The following PLXND1 variants were observed in gnomAD, a reference collection of about 807,000 sequenced individuals.
PLXND1 encodes plexin D1, also known as plexin-D1.
In PLXND1, 54 loss-of-function variants were observed where a neutral mutation model predicts 197.7. The ratio of observed to expected loss-of-function variants is 0.27; its 90% CI spans 0.22 to 0.34. PLXND1 has a LOEUF of 0.34. Among genes scored for constraint, PLXND1 ranks in the 10% least tolerant of loss-of-function variants. The probability of loss-of-function intolerance (pLI) is 1.00; values close to 1 mark genes in which losing one functional copy is unlikely to be tolerated. For synonymous variants in PLXND1, 1,180 were observed against 1,161.2 expected, an observed-to-expected ratio of 1.02 and a Z score of -0.33; for missense variants, 2,127 against 2,699.2, an observed-to-expected ratio of 0.79 and a Z score of 4.70.
Position 129,584,144 on chromosome 3 carries a change from G to A in PLXND1, c.2119C>T (p.Gln707Ter). 1 of 1,563,450 alleles carries A rather than the reference G, an allele frequency of 6.4e-7. No individual in the cohort carries two copies. ...FTIYDCSRTA[Q>*]VYPHTACTSC... is the part of the protein sequence containing the mutation. ...ACTCACGCTGTGTGGGGGTACACTT[G>A]TGCAGTGCGGCTGCAGTCGTAGATG... The change falls in exon 7 of 36, where the codon CAA (glutamine) becomes TAA (stop). Residue 707 changes from glutamine (Q) to a stop codon, truncating the protein, a stop_gained. Transcript: ENST00000324093. LOFTEE classifies it high-confidence loss of function.
At chr3:129,561,045 G>C (rs1290432830) in intron 29 of PLXND1, 4 of 517,452 alleles carry the variant, frequency 7.7e-6, no homozygotes, top group South Asian at 4.6e-5. Context: ...CAGTGACCCG[G>C]GATGGAGGGA....
chr3:129,557,087 G>T lies in PLXND1; in HGVS notation c.5582C>A (p.Ser1861Ter). Residue 1861 changes from serine to a stop codon, truncating the protein, a stop_gained, in exon 34 of 36, where the codon TCG (serine) becomes TAG (stop). Transcript: ENST00000324093. LOFTEE classifies it high-confidence loss of function. This position sits in a 1 kb window ranked among gnomAD's most constrained non-coding sequence, Gnocchi z 4.8. ...QEMNAHLAEESRKYQNEFNTN... is the reference protein window; with the variant it reads ...QEMNAHLAEE ...CCCGCCGCCGAGCCACCGCACCCTCGACTCCTCGGCCAGATGGGCATTCAT... is the reference window on the plus strand; with the variant it reads ...CCCGCCGCCGAGCCACCGCACCCTCTACTCCTCGGCCAGATGGGCATTCAT... 6.2e-7 allele frequency: 1 copy of T among 1,613,438 alleles called. No individual in the cohort carries two copies. The highest frequency in any genetic ancestry group is 1.1e-5 in the South Asian group (1 of 91,022).
At chr3:129,580,463 C>A (rs542768447) in intron 8 of PLXND1, among the ~76,000 whole-genome samples, 1 of 152,212 alleles carries the variant, frequency 6.6e-6, no homozygotes, top group Non-Finnish European at 1.5e-5. Flanking sequence ...CTCGAAGCCA[C>A]TGCCAGGTCT....
chr3:129,562,899 G>A lies in PLXND1; in HGVS notation c.4713C>T (p.Ser1571=), dbSNP rs200204303. Residue 1571 remains serine, a synonymous_variant, in exon 27 of 36, where the codon AGC becomes AGT. Transcript: ENST00000324093. The part of the protein sequence containing the change: ...SFQGCGMDSL[S]VRAMDTDTLT... The stretch of plus-strand genomic sequence containing the variant: ...GCGTGTCGGTGTCCATGGCCCGCAC[G>A]CTCAGCGAGTCCATGCCACAGCCCT... 6.5e-5 allele frequency: 104 copies of A among 1,609,488 alleles called. No individual in the cohort carries two copies. Among genetic ancestry groups the A allele is most frequent in the South Asian group, 2.0e-4 (18 of 91,020 alleles).
intron 29 of PLXND1, 60 bp downstream of exon 29, chr3:129,561,586 G>C: frequency 1.6e-6 from 2 of 1,283,266 alleles, no homozygotes; most frequent in Non-Finnish European, 2.2e-6. Context: ...ACTGGGGCAT[G>C]GGATGGAAGC....
intron 1 of PLXND1, among the ~76,000 whole-genome samples, chr3:129,599,792 A>G (rs1202933694): frequency 6.6e-6 from 1 of 152,104 alleles, no homozygotes; most frequent in South Asian, 2.1e-4. Flanking sequence ...CAGAGGGGGA[A>G]CTGCAGAATT....
chr3:129,575,379 G>C (rs2085296916), intron 11 of PLXND1, 90 bp downstream of exon 11: 3 of 782,922 alleles, frequency 3.8e-6, no homozygotes, highest in Non-Finnish European at 6.6e-6. Context: ...CTGCGGCTTT[G>C]GGGCAACCAC....
chr3:129,575,135 C>T (rs1447472965), intron 11 of PLXND1, among the ~76,000 whole-genome samples: 3 of 152,162 alleles, frequency 2.0e-5, no homozygotes, highest in Non-Finnish European at 2.9e-5. Context: ...ACAGCTGCCA[C>T]GCGAGGGGAG....
intron 7 of PLXND1, 137 bp from the exon 8 acceptor site, chr3:129,583,806 G>A: frequency 1.6e-6 from 1 of 639,108 alleles, no homozygotes; most frequent in South Asian, 1.9e-5. Flanking sequence ...GGGAAAGATT[G>A]GGTCTTTAAG....
In PLXND1 at chr3:129,561,913, A is replaced by G. The variant is rs746017104; in HGVS notation, c.4826-10T>C. The G allele has an allele frequency of 1.2e-6, 2 of 1,601,986 alleles. No individual in the cohort carries two copies. Among genetic ancestry groups the G allele is most frequent in the East Asian group, 4.5e-5 (2 of 44,812 alleles). The stretch of plus-strand genomic sequence containing the variant: ...CTGGAGGCGAACCACTCTGGGGGAC[A>G]AGGGACAGGCCATCAGGGTCCGGGC... On this transcript the variant is annotated splice_polypyrimidine_tract_variant and intron_variant, in intron 27 of 35. Transcript: ENST00000324093.
intron 20 of PLXND1, 38 bp downstream of exon 20, chr3:129,569,805 C>A: frequency 1.7e-6 from 2 of 1,205,576 alleles, no homozygotes; most frequent in Admixed American, 1.7e-5. Context: ...AGGTGGCAAG[C>A]CTGCCCTCCA....
Position 129,605,594 on chromosome 3 carries a change from G to T in PLXND1, c.1046C>A (p.Ala349Glu). Residue 349 changes from alanine to glutamate, a missense_variant, in exon 1 of 36, where the codon GCG becomes GAG. By Grantham distance (107) the Ala-to-Glu change is moderately radical (BLOSUM62 -1). Around this residue, in one of 6 missense-constraint regions of PLXND1, gnomAD observed 1,095 missense variants for 1,259.8 expected, o/e 0.87. Coordinates refer to ENST00000324093, the MANE Select transcript of PLXND1 (RefSeq NM_015103.3). ...IQLGLQCAGG[A>E]GRGDLYSRLV... ...GCGGCTGTAGAGGTCGCCGCGGCCC[G>T]CGCCGCCCGCGCACTGCAAGCCCAA... 1 of 1,530,110 alleles carries T rather than the reference G, an allele frequency of 6.5e-7. No individual in the cohort carries two copies. 94.8% of individuals were successfully genotyped at this position (1,530,110 alleles called of 1,614,324 possible).
chr3:129,593,265 T>A (rs981506898), intron 1 of PLXND1, among the ~76,000 whole-genome samples: 15 of 152,060 alleles, frequency 9.9e-5, no homozygotes, highest in East Asian at 5.8e-4. Flanking sequence ...GTCTCCCTCC[T>A]CCCTCTGCCC....
In PLXND1 at chr3:129,586,203, C is replaced by T. The variant is rs373023998; in HGVS notation, c.1690G>A (p.Ala564Thr). 4.4e-6 allele frequency: 7 copies of T among 1,603,968 alleles called. No individual in the cohort carries two copies. Among genetic ancestry groups the T allele is most frequent in the Admixed American group, 1.7e-5 (1 of 59,662 alleles). ...TCCAGGGCACACCAGCCGCAGTAGG[C>T]GTCCGCCGCACCCACGCAGTCCCCA... ...TCGDCVGAAD[A>T]YCGWCALETR... The change falls in exon 4 of 36, where the codon GCC becomes ACC. Residue 564 changes from alanine to threonine, a missense_variant. Around this residue, in one of 6 missense-constraint regions of PLXND1, gnomAD observed 1,095 missense variants for 1,259.8 expected, o/e 0.87. Coordinates refer to ENST00000324093, the MANE Select transcript of PLXND1 (RefSeq NM_015103.3).
intron 8 of PLXND1, among the ~76,000 whole-genome samples, chr3:129,582,345 G>A (rs1227330605): frequency 6.6e-6 from 1 of 152,222 alleles, no homozygotes; most frequent in Non-Finnish European, 1.5e-5. Context: ...GGCTCTGGGC[G>A]CTGGGGCTGC....
Position 129,556,736 on chromosome 3 carries a change from G to C in PLXND1, c.5587-45C>G, listed in dbSNP as rs757117349. The C allele has an allele frequency of 5.7e-6, 8 of 1,400,554 alleles. No individual in the cohort carries two copies. In the African/African-American group the frequency reaches 9.8e-5, roughly 17 times the overall value. The allele number at this position is 1,400,554 out of a possible 1,614,324, so 86.8% of individuals were successfully genotyped here. On this transcript the variant is annotated intron_variant, in intron 34 of 35. Transcript: ENST00000324093. Reference sequence around the variant, plus strand: ...GGAGGAGGTTAGCCCAGCGGTCAAAGCTGAGCCTAGTCCCAGCAAAGCCAG... The same window carrying C: ...GGAGGAGGTTAGCCCAGCGGTCAAACCTGAGCCTAGTCCCAGCAAAGCCAG...
Position 129,559,855 on chromosome 3 carries a change from T to A in PLXND1, c.5134-72A>T, listed in dbSNP as rs909789933. ...AGGGCTAGTGGGCACCCTTGGTGGC[T>A]CTGCGGAGCTTGAAATGCCAGGCTG... On this transcript the variant is annotated intron_variant, in intron 31 of 35. Coordinates refer to ENST00000324093, the MANE Select transcript of PLXND1 (RefSeq NM_015103.3). 9.5e-5 allele frequency: 123 copies of A among 1,294,124 alleles called. No homozygotes were observed. The African/African-American group carries it at 1.7e-3, about 18-fold the overall frequency. 80.2% of individuals were successfully genotyped at this position (1,294,124 alleles called of 1,614,324 possible). A position where few individuals can be genotyped will look rare whatever the true frequency, so the allele number is the denominator to read the frequency against.
Position 129,606,028 on chromosome 3 carries a change from G to GC in PLXND1, c.611dup (p.Ser205GlnfsTer227), listed in dbSNP as rs1209257092. 6.3e-7 allele frequency: 1 copy of GC among 1,598,930 alleles called. No homozygotes were observed. The highest frequency in any genetic ancestry group is 8.5e-7 in the Non-Finnish European group (1 of 1,175,682). On this transcript the variant is annotated frameshift_variant, in exon 1 of 36. Transcript: ENST00000324093. LOFTEE classifies it high-confidence loss of function. ...ACGTGGCGCCCACGAGCAGGCGGCT[G>GC]CCCCCCGCGCCCGCGGCGGGAGGCA... is the stretch of plus-strand genomic sequence containing the variant.
chr3:129,585,384 C>T (rs536623384), intron 5 of PLXND1, among the ~76,000 whole-genome samples: 7 of 152,350 alleles, frequency 4.6e-5, no homozygotes, highest in Admixed American at 1.3e-4. Flanking sequence ...TGCCGGGGCC[C>T]AGAATCCCCC....
Sources: allele counts gnomAD v4.1 joint callset (sites outside exome capture counted in the v4.1 genomes callset), GRCh38; gene constraint gnomAD v4.1.1; regional missense constraint gnomAD v4.1.1; non-coding constraint Gnocchi (gnomAD v3.1); transcripts MANE v1.5; gene names NCBI Gene and HGNC (gene_info 2026-07-23, HGNC 2026-07-21).